Variants in FCHSD2 observed in about 807,000 individuals in gnomAD.
FCHSD2 encodes the protein F-BAR and double SH3 domains protein 2.
Under a neutral mutation model 108.1 loss-of-function variants are expected in FCHSD2, and 38 were observed. The observed-to-expected ratio is 0.35, with a 90% CI of 0.27 to 0.46. FCHSD2 has a LOEUF of 0.46. Ranked by LOEUF, FCHSD2 falls within the 20% of genes least tolerant of loss-of-function variation. The pLI is 1.00. For synonymous variants in FCHSD2, 279 were observed against 314.7 expected (o/e 0.89, Z 1.20); for missense variants, 751 against 897.8 (o/e 0.84, Z 2.09).
intron 5 of FCHSD2, among the ~76,000 whole-genome samples, chr11:72,991,446 C>T (rs1857412595): frequency 6.6e-6 from 1 of 152,142 alleles, no homozygotes; most frequent in South Asian, 2.1e-4. Flanking sequence ...TGATGAACAT[C>T]GATGCAAAAA....
intron 4 of FCHSD2, among the ~76,000 whole-genome samples, chr11:73,015,010 AT>A (rs1033334342): frequency 3.3e-5 from 5 of 152,038 alleles, no homozygotes; most frequent in African/African-American, 1.2e-4. Context: ...CACCTGGCTA[AT>A]TTTTATATTT....
intron 2 of FCHSD2, among the ~76,000 whole-genome samples, chr11:73,128,376 T>C (rs1363679122): frequency 6.6e-6 from 1 of 152,144 alleles, no homozygotes; most frequent in Non-Finnish European, 1.5e-5. Flanking sequence ...AAAAGCTACA[T>C]TACTGCCACC....
intron 3 of FCHSD2, among the ~76,000 whole-genome samples, chr11:73,032,162 T>C (rs191829901): frequency 5.3e-5 from 8 of 152,336 alleles, no homozygotes; most frequent in Admixed American, 5.2e-4. Context: ...AGAATACATA[T>C]GAACTTGGAA....
At chr11:72,993,674 C>T (rs1265362107) in intron 5 of FCHSD2, among the ~76,000 whole-genome samples, 24 of 150,818 alleles carry the variant, frequency 1.6e-4, no homozygotes, top group African/African-American at 5.1e-4. Context: ...AACCAAACAC[C>T]GCATGTTCTC....
intron 3 of FCHSD2, among the ~76,000 whole-genome samples, chr11:73,027,014 G>A (rs925652526): frequency 6.6e-6 from 1 of 152,160 alleles, no homozygotes; most frequent in African/African-American, 2.4e-5. Context: ...CTTTATAGCA[G>A]TGTGGAAATG....
chr11:72,996,567 CATT>C (rs1857522562), intron 5 of FCHSD2, among the ~76,000 whole-genome samples: 1 of 152,066 alleles, frequency 6.6e-6, no homozygotes, highest in East Asian at 1.9e-4. Context: ...TCATAATCCT[CATT>C]ATAAACTGGG....
At chr11:73,005,556 G>T (rs1417657846) in intron 4 of FCHSD2, among the ~76,000 whole-genome samples, 1 of 152,126 alleles carries the variant, frequency 6.6e-6, no homozygotes, top group Non-Finnish European at 1.5e-5. Flanking sequence ...ATAAATACTG[G>T]AGTGCCCTCA....
chr11:73,031,712 G>C (rs1487063896), intron 3 of FCHSD2, among the ~76,000 whole-genome samples: 1 of 152,122 alleles, frequency 6.6e-6, no homozygotes, highest in Non-Finnish European at 1.5e-5. Context: ...CTGACTCCAA[G>C]GCCAGTCCAC....
intron 5 of FCHSD2, among the ~76,000 whole-genome samples, chr11:72,991,799 A>G (rs1249109747): frequency 6.6e-6 from 1 of 152,200 alleles, no homozygotes; most frequent in Non-Finnish European, 1.5e-5. Flanking sequence ...CTCACAGCCA[A>G]TATCATACTG....
intron 2 of FCHSD2, among the ~76,000 whole-genome samples, chr11:73,106,382 G>A (rs1330852197): frequency 6.7e-6 from 1 of 149,996 alleles, no homozygotes; most frequent in African/African-American, 2.5e-5. Flanking sequence ...CTCCACCCTG[G>A]GTGACAGAAT....
At chr11:72,966,321 A>G (rs1326101935) in intron 8 of FCHSD2, among the ~76,000 whole-genome samples, 1 of 151,822 alleles carries the variant, frequency 6.6e-6, no homozygotes, top group African/African-American at 2.4e-5. Flanking sequence ...CACCACACTC[A>G]GCTAATTTTT....
chr11:72,957,415 T>G (rs1173589311), intron 8 of FCHSD2, among the ~76,000 whole-genome samples: 2 of 151,404 alleles, frequency 1.3e-5, no homozygotes, highest in Non-Finnish European at 2.9e-5. Flanking sequence ...TGCCACATTT[T>G]CTTAATCCAG....
Position 72,904,749 on chromosome 11 carries a change from T to C in FCHSD2, c.829-2111A>G, listed in dbSNP as rs554061630. On this transcript the variant is annotated intron_variant, in intron 9 of 19. Coordinates refer to ENST00000409418, the MANE Select transcript of FCHSD2 (RefSeq NM_014824.3). ...TACAAATACAGCCCCCACAGTGCAA[T>C]TGCACGATGCTGTTTAGCTTTCTTT... Among the ~76,000 whole-genome samples, 6 of 152,322 alleles carry C rather than the reference T, an allele frequency of 3.9e-5. No individual in the cohort carries two copies. The South Asian group carries it at 1.0e-3, about 26-fold the overall frequency.
intron 10 of FCHSD2, among the ~76,000 whole-genome samples, chr11:72,891,294 T>C (rs546955215): frequency 1.3e-5 from 2 of 152,344 alleles, no homozygotes; most frequent in South Asian, 4.1e-4. Context: ...ATTGATAAAC[T>C]GGATTTTAAA....
chr11:73,113,014 T>C (rs1257774396), intron 2 of FCHSD2, among the ~76,000 whole-genome samples: 2 of 152,084 alleles, frequency 1.3e-5, no homozygotes, highest in African/African-American at 4.8e-5. Context: ...GCGTGCTTCA[T>C]TTTTATTCTT....
intron 3 of FCHSD2, among the ~76,000 whole-genome samples, chr11:73,069,565 G>C (rs1014389492): frequency 6.6e-6 from 1 of 151,928 alleles, no homozygotes; most frequent in African/African-American, 2.4e-5. Context: ...ATAGACAATT[G>C]GTGAGTTGGA....
chr11:72,899,735 T>TAAA (rs10674308), intron 10 of FCHSD2, among the ~76,000 whole-genome samples: 35,471 of 72,490 alleles, frequency 0.49, 10,119 homozygotes, highest in South Asian at 0.63. Context: ...GACCCTATCT[T>TAAA]AAAAAAAAAA....
intron 3 of FCHSD2, among the ~76,000 whole-genome samples, chr11:73,066,926 G>A (rs1031144152): frequency 1.3e-5 from 2 of 152,162 alleles, no homozygotes; most frequent in East Asian, 1.9e-4. Flanking sequence ...ACAGTGTAGC[G>A]ATTCCTCAAG....
intron 3 of FCHSD2, among the ~76,000 whole-genome samples, chr11:73,033,594 A>G (rs1201225479): frequency 6.6e-6 from 1 of 152,234 alleles, no homozygotes; most frequent in African/African-American, 2.4e-5. Context: ...ATTAAAAGAT[A>G]TGAAGCAACT....
Sources: allele counts gnomAD v4.1 joint callset (sites outside exome capture counted in the v4.1 genomes callset), GRCh38; gene constraint gnomAD v4.1.1; transcripts MANE v1.5; gene names NCBI Gene and HGNC (gene_info 2026-07-23, HGNC 2026-07-21).